Variants in ABCA4 observed in about 807,000 individuals in gnomAD.
The protein encoded by ABCA4 is ATP binding cassette subfamily A member 4.
Under a neutral mutation model 263.7 loss-of-function variants are expected in ABCA4, and 196 were observed. That is an observed-to-expected ratio of 0.74 (90% CI 0.66 to 0.84). The LOEUF (loss-of-function observed/expected upper bound fraction) is 0.84. ABCA4 is among the 40% of genes least tolerant of loss of function. The probability of loss-of-function intolerance (pLI) is 0.00; values close to 1 mark genes in which losing one functional copy is unlikely to be tolerated. For synonymous variants in ABCA4, 1,133 were observed against 1,094.2 expected (o/e 1.04, Z -0.70); for missense variants, 2,792 against 2,855.1 (o/e 0.98, Z 0.50).
intron 49 of ABCA4, among the ~76,000 whole-genome samples, chr1:93,993,938 T>G (rs1386811886): frequency 5.9e-5 from 9 of 152,092 alleles, no homozygotes; most frequent in South Asian, 4.1e-4. Context: ...CTAGACGAAA[T>G]GTGGTTTATC....
intron 4 of ABCA4, among the ~76,000 whole-genome samples, chr1:94,104,232 C>T (rs757779908): frequency 9.2e-5 from 14 of 152,188 alleles, no homozygotes; most frequent in Non-Finnish European, 1.9e-4. Flanking sequence ...CCTTATGGGC[C>T]TGGATGTCTA....
chr1:94,001,138 C>A (rs1199746520), intron 45 of ABCA4, 33 bp from the exon 46 acceptor site: 1 of 1,565,758 alleles, frequency 6.4e-7, no homozygotes. Flanking sequence ...GGGGCACAGG[C>A]TGGGAGCTGG....
At chr1:94,031,182 G>T in intron 27 of ABCA4, 62 bp from the exon 28 acceptor site, 1 of 1,598,404 alleles carries the variant, frequency 6.3e-7, no homozygotes, top group Non-Finnish European at 8.6e-7. Flanking sequence ...ACGTGCGCGT[G>T]CACACACATC....
chr1:94,120,822 C>G (rs1384810074), intron 1 of ABCA4, among the ~76,000 whole-genome samples, 158 bp downstream of exon 1: 1 of 152,130 alleles, frequency 6.6e-6, no homozygotes, highest in Non-Finnish European at 1.5e-5. Flanking sequence ...AAAGGCCGTC[C>G]AGCTAAACAC....
rs372312294 is a variant in ABCA4, at chr1:94,063,571, C to G, written c.1555-254G>C. ...GCAGAGCTAGTGAGGACCACACTTT[C>G]CAGATGTCCAAGGCTGTCCAAATAT... On this transcript the variant is annotated intron_variant, in intron 11 of 49. Transcript: ENST00000370225. 3.3e-5 allele frequency among the ~76,000 whole-genome samples: 5 copies of G among 152,308 alleles called. No homozygotes were observed. The East Asian group carries it at 5.8e-4, about 18-fold the overall frequency.
intron 13 of ABCA4, 48 bp from the exon 14 acceptor site, chr1:94,060,807 T>C: frequency 7.1e-7 from 1 of 1,415,080 alleles, no homozygotes; most frequent in Non-Finnish European, 9.8e-7. Flanking sequence ...CTGTACCTGG[T>C]AGAGGCAGAA....
chr1:94,068,614 A>G (rs1661333145), intron 11 of ABCA4, among the ~76,000 whole-genome samples: 1 of 152,228 alleles, frequency 6.6e-6, no homozygotes, highest in Non-Finnish European at 1.5e-5. Context: ...ATTAGCTTGC[A>G]AGTTAGAATA....
At chr1:94,051,364 T>G (rs1660834102) in intron 17 of ABCA4, among the ~76,000 whole-genome samples, 1 of 152,218 alleles carries the variant, frequency 6.6e-6, no homozygotes. Context: ...CTTTTTTAAA[T>G]AGGGCAATTT....
intron 22 of ABCA4, among the ~76,000 whole-genome samples, chr1:94,041,915 G>A (rs1409542512): frequency 1.3e-5 from 2 of 152,014 alleles, no homozygotes; most frequent in African/African-American, 4.8e-5. Context: ...GGCTAACACG[G>A]TGAAACCCCG....
chr1:94,022,650 A>G (rs1195483526), intron 32 of ABCA4, among the ~76,000 whole-genome samples: 1 of 152,094 alleles, frequency 6.6e-6, no homozygotes, highest in African/African-American at 2.4e-5. Flanking sequence ...CTGGCCTCAA[A>G]CCCTTCAAAG....
At position 94,047,032 on chromosome 1, in the gene ABCA4, T is replaced by C; in HGVS notation, c.2805A>G (p.Val935=). Residue 935 remains valine, a synonymous_variant, in exon 19 of 50, where the codon GTA becomes GTG. Transcript: ENST00000370225. ...WVPGVCVKNL[V]KIFEPCGRPA... ...GCCGGCCACAGGGCTCAAAAATCTT[T>C]ACCAGATTCTTCACGCATACCCCAG... The C allele has an allele frequency of 4.3e-6, 7 of 1,614,174 alleles. No homozygotes were observed. Among genetic ancestry groups the C allele is most frequent in the African/African-American group, 1.3e-5 (1 of 75,026 alleles).
At chr1:94,007,246 A>T (rs1173561316) in intron 43 of ABCA4, among the ~76,000 whole-genome samples, 1 of 152,030 alleles carries the variant, frequency 6.6e-6, no homozygotes, top group Non-Finnish European at 1.5e-5. Flanking sequence ...GGCTCAGTAA[A>T]CTCCCTGAAA....
intron 17 of ABCA4, 57 bp from the exon 18 acceptor site, chr1:94,049,014 G>A: frequency 6.4e-7 from 1 of 1,574,656 alleles, no homozygotes; most frequent in Non-Finnish European, 8.7e-7. Context: ...ACGAGCAAAG[G>A]CAGGAAAGGA....
At chr1:94,069,692 T>C (rs1661356080) in intron 11 of ABCA4, among the ~76,000 whole-genome samples, 1 of 152,188 alleles carries the variant, frequency 6.6e-6, no homozygotes, top group Non-Finnish European at 1.5e-5. Flanking sequence ...TATTTCCCAC[T>C]ACATGGAAAA....
intron 47 of ABCA4, among the ~76,000 whole-genome samples, chr1:94,000,493 A>G (rs1659142487): frequency 6.6e-6 from 1 of 152,184 alleles, no homozygotes; most frequent in African/African-American, 2.4e-5. Context: ...ACTCTTAGTA[A>G]ATAGGCCACA....
At chr1:94,052,216 T>C (rs1660857964) in intron 16 of ABCA4, among the ~76,000 whole-genome samples, 1 of 152,188 alleles carries the variant, frequency 6.6e-6, no homozygotes, top group Non-Finnish European at 1.5e-5. Context: ...AATGTAGGAA[T>C]TCCAACACAG....
intron 35 of ABCA4, among the ~76,000 whole-genome samples, chr1:94,020,970 G>A (rs1659879345): frequency 6.6e-6 from 1 of 152,208 alleles, no homozygotes; most frequent in Non-Finnish European, 1.5e-5. Flanking sequence ...AATTGTATAA[G>A]CTCCAGGAGC....
chr1:93,995,431 C>A (rs1191922515), intron 49 of ABCA4, among the ~76,000 whole-genome samples: 2 of 152,210 alleles, frequency 1.3e-5, no homozygotes, highest in Admixed American at 1.3e-4. Context: ...CATTGGGATG[C>A]TGGTGCCTCC....
At chr1:94,040,197 C>A in intron 23 of ABCA4, 70 bp from the exon 24 acceptor site, 1 of 1,241,656 alleles carries the variant, frequency 8.1e-7, no homozygotes, top group Non-Finnish European at 1.2e-6. Flanking sequence ...CTGATGCCAG[C>A]TGCTGTCACC....
Sources: allele counts gnomAD v4.1 joint callset (sites outside exome capture counted in the v4.1 genomes callset), GRCh38; gene constraint gnomAD v4.1.1; transcripts MANE v1.5; gene names NCBI Gene and HGNC (gene_info 2026-07-23, HGNC 2026-07-21).